SENP5: variants seen among roughly 807,000 people sequenced by gnomAD.
The protein encoded by SENP5 is sentrin-specific protease 5.
Under a neutral mutation model 74.2 loss-of-function variants are expected in SENP5, and 21 were observed. That is an observed-to-expected ratio of 0.28 (90% CI 0.20 to 0.41). The LOEUF is 0.41. Among genes scored for constraint, SENP5 ranks in the 10% least tolerant of loss-of-function variants. SENP5 has a pLI of 1.00. For synonymous variants in SENP5, 311 were observed against 312.7 expected (o/e 0.99, Z 0.06); for missense variants, 717 against 889.1 (o/e 0.81, Z 2.46).
Position 196,931,425 on chromosome 3 carries a change from T to C in SENP5, c.*502T>C, listed in dbSNP as rs1373139864. On this transcript the variant is annotated 3_prime_UTR_variant, in exon 10 of 10. Transcript: ENST00000323460. ...CTGTTTTACTTTACCAGCGGCAACTTTCACCAACTTCCCTCTCCAAGTGAG... is the reference window on the plus strand; with the variant it reads ...CTGTTTTACTTTACCAGCGGCAACTCTCACCAACTTCCCTCTCCAAGTGAG... 1 of 155,854 alleles carries C rather than the reference T, an allele frequency of 6.4e-6. No individual in the cohort carries two copies. Among genetic ancestry groups the C allele is most frequent in the Non-Finnish European group, 1.4e-5 (1 of 72,834 alleles). The allele number at this position is 155,854 out of a possible 1,614,324, so 9.7% of individuals were successfully genotyped here. A position where few individuals can be genotyped will look rare whatever the true frequency, so the allele number is the denominator to read the frequency against.
At chr3:196,887,091 T>C (rs940470081) in intron 2 of SENP5, among the ~76,000 whole-genome samples, 25 of 152,176 alleles carry the variant, frequency 1.6e-4, no homozygotes, top group South Asian at 2.1e-4. Flanking sequence ...TCACAGAGTT[T>C]TGTTTTAATT....
chr3:196,929,525 A>G (rs1018478908), intron 8 of SENP5, 108 bp from the exon 9 acceptor site: 7 of 659,170 alleles, frequency 1.1e-5, no homozygotes, highest in African/African-American at 9.3e-5. Context: ...GCTGTCCTGG[A>G]GAGAGAAAAG....
chr3:196,878,465 C>T (rs1713576816), intron 1 of SENP5, among the ~76,000 whole-genome samples: 1 of 152,196 alleles, frequency 6.6e-6, no homozygotes. Context: ...GTAGAAACCT[C>T]TAGCTTTTTT....
chr3:196,926,495 AAAG>A (rs1203911014), intron 7 of SENP5, among the ~76,000 whole-genome samples: 6 of 152,004 alleles, frequency 3.9e-5, no homozygotes, highest in African/African-American at 1.4e-4. Context: ...AAAAAAAAAA[AAAG>A]AATTTATATA....
intron 6 of SENP5, among the ~76,000 whole-genome samples, chr3:196,909,106 A>G (rs867291301): frequency 1.3e-5 from 2 of 152,160 alleles, no homozygotes; most frequent in Non-Finnish European, 2.9e-5. Flanking sequence ...GAAATATACA[A>G]ATTACTATCA....
At chr3:196,903,044 A>T (rs1714761480) in intron 5 of SENP5, among the ~76,000 whole-genome samples, 1 of 152,220 alleles carries the variant, frequency 6.6e-6, no homozygotes, top group Admixed American at 6.6e-5. Flanking sequence ...TCCAAAGCTG[A>T]CTATAGACCA....
intron 6 of SENP5, chr3:196,914,437 C>G (rs945430939): frequency 4.0e-5 from 6 of 150,604 alleles, no homozygotes; most frequent in Admixed American, 1.3e-4. Context: ...TGATTGATGT[C>G]TCCCTCCAAA....
In SENP5 at chr3:196,910,022, C is replaced by G. The variant is rs961989397; in HGVS notation, c.1884+6412C>G. ...AATGCCATCGTCTCAGCCCCAAAAC[C>G]CCTTACGTTGATAAGAAACTTTAGC... On this transcript the variant is annotated intron_variant, in intron 6 of 9. Transcript: ENST00000323460. Among the ~76,000 whole-genome samples the G allele has an allele frequency of 5.3e-5, 8 of 152,164 alleles. 1 individual carries two copies. In the South Asian group the frequency reaches 1.7e-3, roughly 32 times the overall value.
At chr3:196,893,908 T>G (rs1203942981) in intron 2 of SENP5, among the ~76,000 whole-genome samples, 11 of 87,970 alleles carry the variant, frequency 1.3e-4, no homozygotes, top group African/African-American at 4.8e-4. Flanking sequence ...AGACTCTGTC[T>G]CAAAAAAAAA....
chr3:196,914,586 A>AAAAAATATATATATATATATAT, intron 6 of SENP5: 2 of 33,494 alleles, frequency 6.0e-5, no homozygotes, highest in Non-Finnish European at 1.0e-4. Flanking sequence ...AAAAAAAAAA[A>AAAAAATATATATATATATATAT]ATATATATAT....
At position 196,908,594 on chromosome 3, in the gene SENP5, C is replaced by T. The variant is rs575351310; in HGVS notation, c.1884+4984C>T. On this transcript the variant is annotated intron_variant, in intron 6 of 9. Coordinates refer to ENST00000323460, the MANE Select transcript of SENP5 (RefSeq NM_152699.5). ...ATCCCAGCACTTTGGGAGGCTGAGG[C>T]GGGTAGATCACCTGAGGTCAGGAGT... Among the ~76,000 whole-genome samples the T allele has an allele frequency of 5.9e-5, 9 of 152,182 alleles. No individual in the cohort carries two copies. In the East Asian group the frequency reaches 1.5e-3, roughly 26 times the overall value.
intron 1 of SENP5, among the ~76,000 whole-genome samples, chr3:196,876,162 C>T (rs770203019): frequency 1.3e-5 from 2 of 152,202 alleles, no homozygotes; most frequent in Admixed American, 1.3e-4. Context: ...CAAACTTTCT[C>T]TGTTTACACC....
intron 6 of SENP5, among the ~76,000 whole-genome samples, chr3:196,907,449 G>A (rs958124687): frequency 5.5e-5 from 6 of 108,830 alleles, no homozygotes; most frequent in South Asian, 2.7e-4. Flanking sequence ...GAGAGACTCC[G>A]TCTCAAAAAA....
intron 1 of SENP5, among the ~76,000 whole-genome samples, chr3:196,878,811 C>T (rs866362331): frequency 3.9e-5 from 6 of 152,168 alleles, no homozygotes; most frequent in Middle Eastern, 3.4e-3. Flanking sequence ...AGGCTGGTCT[C>T]GAACTCCTGA....
intron 6 of SENP5, among the ~76,000 whole-genome samples, chr3:196,906,221 A>AAAAAG (rs1714896285): frequency 6.6e-6 from 1 of 152,148 alleles, no homozygotes; most frequent in Admixed American, 6.6e-5. Flanking sequence ...CTTTCTAAAA[A>AAAAAG]AAAAGAAAAA....
chr3:196,917,318 C>T (rs558083698), intron 6 of SENP5, among the ~76,000 whole-genome samples: 1 of 151,890 alleles, frequency 6.6e-6, no homozygotes, highest in East Asian at 1.9e-4. Flanking sequence ...AGCAAACCTA[C>T]AAGATCTAGA....
At chr3:196,877,345 G>A (rs1174299599) in intron 1 of SENP5, among the ~76,000 whole-genome samples, 4 of 151,868 alleles carry the variant, frequency 2.6e-5, no homozygotes, top group South Asian at 2.1e-4. Flanking sequence ...CACCACACAC[G>A]GCTAAGTTTT....
chr3:196,910,632 C>T (rs1715086028), intron 6 of SENP5, among the ~76,000 whole-genome samples: 1 of 151,872 alleles, frequency 6.6e-6, no homozygotes, highest in African/African-American at 2.4e-5. Flanking sequence ...AGATGTGAGC[C>T]ACCACTCCTG....
rs1191859022 is a variant in SENP5 at position 196,885,312 on chromosome 3, T to C, written c.131T>C (p.Leu44Pro). 1 of 1,614,180 alleles carries C rather than the reference T, an allele frequency of 6.2e-7. No individual in the cohort carries two copies. Among genetic ancestry groups the C allele is most frequent in the Non-Finnish European group, 8.5e-7 (1 of 1,180,016 alleles). Residue 44 changes from leucine to proline, a missense_variant, in exon 2 of 10, where the codon CTG (leucine) becomes CCG (proline). This residue lies in a region of SENP5 where 567 missense variants were observed against 577.4 expected (regional missense o/e 0.98). Coordinates refer to ENST00000323460, the MANE Select transcript of SENP5 (RefSeq NM_152699.5). ...CACTTGTGCATTCTGAAAGCTAAGC[T>C]GGGAAGGCCAGTTACTTGGAATAGA... ...HQHLCILKAK[L>P]GRPVTWNRQL... is the part of the protein sequence containing the mutation.
Sources: allele counts gnomAD v4.1 joint callset (sites outside exome capture counted in the v4.1 genomes callset), GRCh38; gene constraint gnomAD v4.1.1; regional missense constraint gnomAD v4.1.1; transcripts MANE v1.5; gene names NCBI Gene and HGNC (gene_info 2026-07-23, HGNC 2026-07-21).